NRXN3: variants seen among roughly 807,000 people sequenced by gnomAD.
The protein encoded by NRXN3 is neurexin III.
A neutral mutation model predicts 137.6 loss-of-function variants in NRXN3; 32 were observed. That is an observed-to-expected ratio of 0.23 (90% confidence interval 0.18 to 0.31). The LOEUF (loss-of-function observed/expected upper bound fraction) is 0.31, where lower values mean the gene tolerates loss of function less well. Among genes scored for constraint, NRXN3 ranks in the 10% least tolerant of loss-of-function variants. NRXN3 has a pLI of 1.00. For missense variants in NRXN3, 1,574 were observed against 2,062.5 expected, an observed-to-expected ratio of 0.76 and a Z score of 4.59; for synonymous variants, 798 against 784.5, an observed-to-expected ratio of 1.02 and a Z score of -0.29.
At chr14:79,544,729 G>A (rs571405111) in intron 16 of NRXN3, among the ~76,000 whole-genome samples, 1 of 152,330 alleles carries the variant, frequency 6.6e-6, no homozygotes, top group African/African-American at 2.4e-5. Context: ...TCATTGCTTA[G>A]ATGAGTGGTT....
intron 15 of NRXN3, chr14:79,279,386 C>T: frequency 1.6e-5 from 16 of 986,376 alleles, no homozygotes; most frequent in Non-Finnish European, 1.8e-5. Flanking sequence ...CCTCGCTTCA[C>T]TTCACCTGTG....
intron 14 of NRXN3, among the ~76,000 whole-genome samples, chr14:78,970,887 C>G (rs1163342549): frequency 6.6e-6 from 1 of 152,198 alleles, no homozygotes; most frequent in Non-Finnish European, 1.5e-5. Context: ...TAGCACTGCA[C>G]TCTATTGCCA....
intron 2 of NRXN3, among the ~76,000 whole-genome samples, chr14:78,259,734 A>G (rs150687320): frequency 6.6e-6 from 1 of 151,528 alleles, no homozygotes; most frequent in Non-Finnish European, 1.5e-5. Flanking sequence ...TCTGCCTTCA[A>G]CTCTCTAGGA....
rs529618599 is a variant in NRXN3, at chr14:79,519,802, T to A, written c.3444+52400T>A. ...TTTTTTTTTTGAAAAAGTTGCAGTTTTCTTTTTGGACTGCATACAGTTACA... is the reference window on the plus strand; with the variant it reads ...TTTTTTTTTTGAAAAAGTTGCAGTTATCTTTTTGGACTGCATACAGTTACA... On this transcript the variant is annotated intron_variant, in intron 16 of 20. Transcript: ENST00000335750. Among the ~76,000 whole-genome samples the A allele has an allele frequency of 4.0e-5, 6 of 150,334 alleles. No homozygotes were observed. The South Asian group carries it at 8.5e-4, about 21-fold the overall frequency.
chr14:78,790,401 A>C (rs933161113), intron 8 of NRXN3, among the ~76,000 whole-genome samples: 10 of 152,210 alleles, frequency 6.6e-5, no homozygotes, highest in African/African-American at 2.4e-4. Context: ...ATGTGAAGTT[A>C]GTTTTCAACC....
At chr14:79,848,107 G>A (rs1333348492) in intron 20 of NRXN3, among the ~76,000 whole-genome samples, 1 of 152,114 alleles carries the variant, frequency 6.6e-6, no homozygotes, top group Non-Finnish European at 1.5e-5. Context: ...TTCAATACTT[G>A]AAGCTCATTT....
intron 15 of NRXN3, among the ~76,000 whole-genome samples, chr14:79,187,207 G>A (rs1028191771): frequency 5.3e-5 from 8 of 152,148 alleles, no homozygotes; most frequent in African/African-American, 1.4e-4. Flanking sequence ...TACCATGAGC[G>A]GAGTCAGAGC....
At chr14:78,494,824 C>T (rs1386296212) in intron 4 of NRXN3, among the ~76,000 whole-genome samples, 2 of 152,108 alleles carry the variant, frequency 1.3e-5, no homozygotes, top group Non-Finnish European at 2.9e-5. Context: ...CCATCATTTT[C>T]TCTTTAATGA....
chr14:79,229,581 A>G (rs954901326), intron 15 of NRXN3, among the ~76,000 whole-genome samples: 2 of 152,158 alleles, frequency 1.3e-5, no homozygotes, highest in Admixed American at 1.3e-4. Flanking sequence ...AGCAGGATGG[A>G]GGAGTAAAGA....
At chr14:78,675,361 T>C (rs949726509) in intron 6 of NRXN3, among the ~76,000 whole-genome samples, 5 of 152,138 alleles carry the variant, frequency 3.3e-5, no homozygotes, top group Non-Finnish European at 5.9e-5. Flanking sequence ...AAGAAATACC[T>C]GTAAGATGTC....
At chr14:79,621,373 TG>T (rs1263500495) in intron 16 of NRXN3, among the ~76,000 whole-genome samples, 6 of 152,226 alleles carry the variant, frequency 3.9e-5, no homozygotes, top group Non-Finnish European at 7.3e-5. Context: ...GATACCATTT[TG>T]TGGTATTGTT....
chr14:78,330,437 GGTGGGCTTGGT>G (rs2080670186), intron 4 of NRXN3, among the ~76,000 whole-genome samples: 1 of 151,986 alleles, frequency 6.6e-6, no homozygotes, highest in Non-Finnish European at 1.5e-5. Context: ...ACCTAATTTA[GGTGGGCTTGGT>G]ACACTGTTCT....
chr14:79,860,869 G>T (rs1032740107), intron 20 of NRXN3, among the ~76,000 whole-genome samples: 12 of 152,110 alleles, frequency 7.9e-5, no homozygotes, highest in African/African-American at 2.9e-4. Flanking sequence ...GGTTTGGGTG[G>T]CAAGAGGCAT....
At chr14:79,559,290 T>G (rs2097463962) in intron 16 of NRXN3, among the ~76,000 whole-genome samples, 3 of 152,154 alleles carry the variant, frequency 2.0e-5, no homozygotes, top group South Asian at 4.2e-4. Context: ...CTCACCAAGC[T>G]TACTCACTTC....
At chr14:79,085,688 A>G (rs2047958281) in intron 15 of NRXN3, among the ~76,000 whole-genome samples, 1 of 152,204 alleles carries the variant, frequency 6.6e-6, no homozygotes, top group Non-Finnish European at 1.5e-5. Context: ...CACAAAAAAT[A>G]GGGAATGATA....
intron 8 of NRXN3, among the ~76,000 whole-genome samples, chr14:78,773,002 T>A (rs1300668615): frequency 6.6e-6 from 1 of 152,210 alleles, no homozygotes; most frequent in African/African-American, 2.4e-5. Flanking sequence ...TACGTTTTGT[T>A]CTTGATTCTC....
intron 11 of NRXN3, among the ~76,000 whole-genome samples, chr14:78,964,039 G>A (rs2099413022): frequency 6.6e-6 from 1 of 152,040 alleles, no homozygotes; most frequent in African/African-American, 2.4e-5. Context: ...AAAGTGCTGG[G>A]ATTACAGGCA....
chr14:78,422,923 C>T (rs561070219), intron 4 of NRXN3, among the ~76,000 whole-genome samples: 1 of 152,202 alleles, frequency 6.6e-6, no homozygotes, highest in Admixed American at 6.6e-5. Flanking sequence ...AGGAAAATTC[C>T]CCTGATAATT....
intron 2 of NRXN3, among the ~76,000 whole-genome samples, chr14:78,254,649 G>T (rs1266049867): frequency 1.1e-4 from 17 of 148,362 alleles, no homozygotes; most frequent in African/African-American, 4.2e-4. Context: ...CTGCACTCCA[G>T]CCTGGGTGAC....
Sources: allele counts gnomAD v4.1 joint callset (sites outside exome capture counted in the v4.1 genomes callset), GRCh38; gene constraint gnomAD v4.1.1; transcripts MANE v1.5; gene names NCBI Gene and HGNC (gene_info 2026-07-23, HGNC 2026-07-21).